The following MSI2 variants were observed in gnomAD, a reference collection of about 807,000 sequenced individuals.
The protein encoded by MSI2 is RNA-binding protein Musashi homolog 2.
MSI2 carries 17 observed loss-of-function variants against 45.6 expected under a neutral mutation model. That is an observed-to-expected ratio of 0.37 (90% CI 0.26 to 0.56). MSI2 has a LOEUF of 0.56. MSI2 is among the 20% of genes least tolerant of loss of function. The probability of loss-of-function intolerance (pLI) is 0.77; values close to 1 mark genes in which losing one functional copy is unlikely to be tolerated. For synonymous variants in MSI2, 156 were observed against 158.2 expected (o/e 0.99, Z 0.11); for missense variants, 293 against 444.2 (o/e 0.66, Z 3.06).
chr17:57,622,760 C>T (rs958763462), intron 9 of MSI2, among the ~76,000 whole-genome samples: 3 of 152,202 alleles, frequency 2.0e-5, no homozygotes, highest in Non-Finnish European at 4.4e-5. Context: ...AACCACATAT[C>T]TACACTCAAT....
At chr17:57,395,169 C>T (rs2083866974) in intron 5 of MSI2, among the ~76,000 whole-genome samples, 1 of 152,200 alleles carries the variant, frequency 6.6e-6, no homozygotes, top group Admixed American at 6.5e-5. Flanking sequence ...TTGTCCTCTT[C>T]TTAGAAGGAC....
intron 11 of MSI2, among the ~76,000 whole-genome samples, chr17:57,656,638 T>A (rs1911611758): frequency 6.6e-6 from 1 of 152,182 alleles, no homozygotes; most frequent in African/African-American, 2.4e-5. Context: ...TTCTTAGGGT[T>A]GGTGAAGGTT....
intron 11 of MSI2, among the ~76,000 whole-genome samples, chr17:57,655,171 G>C (rs1038374044): frequency 1.3e-5 from 2 of 152,006 alleles, no homozygotes; most frequent in South Asian, 4.2e-4. Context: ...CAGGGCTCAG[G>C]GGACCCCACC....
At chr17:57,453,063 G>A (rs1301444159) in intron 6 of MSI2, among the ~76,000 whole-genome samples, 1 of 148,728 alleles carries the variant, frequency 6.7e-6, no homozygotes, top group Non-Finnish European at 1.5e-5. Context: ...GAGTACAGTG[G>A]TGCAGTCTTG....
At chr17:57,541,253 A>T (rs2087039720) in intron 7 of MSI2, among the ~76,000 whole-genome samples, 1 of 152,178 alleles carries the variant, frequency 6.6e-6, no homozygotes, top group Admixed American at 6.5e-5. Flanking sequence ...TAAGCCAAGG[A>T]ATAACCAGTA....
At chr17:57,392,662 A>C (rs1471607738) in intron 5 of MSI2, among the ~76,000 whole-genome samples, 2 of 152,142 alleles carry the variant, frequency 1.3e-5, no homozygotes, top group African/African-American at 2.4e-5. Context: ...GTTTCCTTTG[A>C]AGTTAAATTA....
At chr17:57,336,321 T>C (rs897454541) in intron 5 of MSI2, among the ~76,000 whole-genome samples, 1 of 152,354 alleles carries the variant, frequency 6.6e-6, no homozygotes. Flanking sequence ...GGGAGAAGAC[T>C]GTGAGGAATA....
rs562048834 is a variant in MSI2 at position 57,368,061 on chromosome 17, C to T, written c.313-33318C>T. Among the ~76,000 whole-genome samples the T allele has an allele frequency of 5.9e-5, 9 of 152,260 alleles. No individual in the cohort carries two copies. The South Asian group carries it at 1.0e-3, about 18-fold the overall frequency. On this transcript the variant is annotated intron_variant, in intron 5 of 13. Coordinates refer to ENST00000284073, the MANE Select transcript of MSI2 (RefSeq NM_138962.4). ...GAACAGTGGTACCCAAATTGTGGTT[C>T]GGGACCCCTGGGCATTCCTGATAAC...
intron 5 of MSI2, among the ~76,000 whole-genome samples, chr17:57,332,540 G>T (rs1480523490): frequency 6.6e-6 from 1 of 152,116 alleles, no homozygotes; most frequent in East Asian, 1.9e-4. Context: ...TTTACTGTTG[G>T]TTTTATGCTT....
At chr17:57,533,546 T>C (rs947508761) in intron 7 of MSI2, among the ~76,000 whole-genome samples, 2 of 152,234 alleles carry the variant, frequency 1.3e-5, no homozygotes, top group Non-Finnish European at 2.9e-5. Flanking sequence ...GCTTTTTAAC[T>C]GTGAGAATGT....
intron 5 of MSI2, among the ~76,000 whole-genome samples, chr17:57,315,545 G>A (rs1469832698): frequency 6.6e-6 from 1 of 152,158 alleles, no homozygotes; most frequent in African/African-American, 2.4e-5. Flanking sequence ...AAAGGTTCTT[G>A]AAGGCTGGGC....
At chr17:57,384,757 C>A (rs1037727546) in intron 5 of MSI2, among the ~76,000 whole-genome samples, 1 of 152,186 alleles carries the variant, frequency 6.6e-6, no homozygotes, top group Non-Finnish European at 1.5e-5. Context: ...CACATCCACT[C>A]CCATGATTTC....
chr17:57,535,620 G>C (rs1315401383), intron 7 of MSI2, among the ~76,000 whole-genome samples: 2 of 152,216 alleles, frequency 1.3e-5, no homozygotes, highest in Middle Eastern at 3.2e-3. Context: ...CCCACTGGAA[G>C]GGGGTGGGAT....
chr17:57,267,758 T>C (rs1907949533), intron 5 of MSI2: 1 of 152,132 alleles, frequency 6.6e-6, no homozygotes, highest in Non-Finnish European at 1.5e-5. Flanking sequence ...AAATACTCGG[T>C]GCTTCCTGAT....
At chr17:57,499,667 G>A (rs2143857048) in intron 6 of MSI2, among the ~76,000 whole-genome samples, 1 of 152,314 alleles carries the variant, frequency 6.6e-6, no homozygotes, top group African/African-American at 2.4e-5. Flanking sequence ...CTGTGGAGCG[G>A]GAATTTGGGC....
chr17:57,540,643 G>C (rs1356105337), intron 7 of MSI2, among the ~76,000 whole-genome samples: 1 of 152,154 alleles, frequency 6.6e-6, no homozygotes, highest in Non-Finnish European at 1.5e-5. Context: ...CAGGGAGATG[G>C]CCACATGACC....
At chr17:57,494,473 G>T (rs1016119023) in intron 6 of MSI2, among the ~76,000 whole-genome samples, 2 of 152,092 alleles carry the variant, frequency 1.3e-5, no homozygotes, top group African/African-American at 2.4e-5. Context: ...CTAGAAGAGG[G>T]GTATATTGTG....
In MSI2 at chr17:57,526,356, GGTGTGTGTGTGT is replaced by G. The variant is rs71143203; in HGVS notation, c.406-3278_406-3267del. Among the ~76,000 whole-genome samples, 494 of 122,616 alleles carry G rather than the reference GGTGTGTGTGTGT, an allele frequency of 4.0e-3. 1 individual carries two copies. Among genetic ancestry groups the G allele is most frequent in the Non-Finnish European group, 6.0e-3 (351 of 58,606 alleles). The allele number at this position is 122,616 out of a possible 152,430, so 80.4% of individuals were successfully genotyped here. On this transcript the variant is annotated intron_variant, in intron 6 of 13. Coordinates refer to ENST00000284073, the MANE Select transcript of MSI2 (RefSeq NM_138962.4). The stretch of plus-strand genomic sequence containing the variant: ...TCTTCATAGCCCCCTGATATACCTG[GGTGTGTGTGTGT>G]GTGTGTGTGTGTGTGTGTGTGTGTG...
rs1567841089 is a variant in MSI2 at position 57,466,856 on chromosome 17, T to C, written c.406-62820T>C. 3.3e-5 allele frequency among the ~76,000 whole-genome samples: 5 copies of C among 152,334 alleles called. No individual in the cohort carries two copies. In the South Asian group the frequency reaches 1.0e-3, roughly 32 times the overall value. ...CAAATGAAAATCATATTTCAGTTACTGGTCTTAAGTCAGACCAACTTAAGG... is the reference window on the plus strand; with the variant it reads ...CAAATGAAAATCATATTTCAGTTACCGGTCTTAAGTCAGACCAACTTAAGG... On this transcript the variant is annotated intron_variant, in intron 6 of 13. Transcript: ENST00000284073.
Sources: gnomAD v4.1 joint callset for allele counts (sites outside exome capture counted in the v4.1 genomes callset) on GRCh38, gnomAD v4.1.1 for gene constraint, MANE v1.5 for transcripts, NCBI Gene and HGNC (gene_info 2026-07-23, HGNC 2026-07-21) for gene names.